Variants in FRMD4A observed in about 807,000 individuals in gnomAD.
FRMD4A encodes FERM domain-containing protein 4A.
Under a neutral mutation model 129.1 loss-of-function variants are expected in FRMD4A, and 29 were observed. The observed-to-expected ratio is 0.22, with a 90% CI of 0.17 to 0.31. FRMD4A has a LOEUF of 0.31. Among genes scored for constraint, FRMD4A ranks in the 10% least tolerant of loss-of-function variants. The probability of loss-of-function intolerance (pLI) is 1.00; values close to 1 mark genes in which losing one functional copy is unlikely to be tolerated. For synonymous variants in FRMD4A, 634 were observed against 571.6 expected (o/e 1.11, Z -1.56); for missense variants, 1,272 against 1,375.8 (o/e 0.92, Z 1.19).
At chr10:13,827,504 T>G (rs2093720858) in intron 3 of FRMD4A, among the ~76,000 whole-genome samples, 1 of 152,230 alleles carries the variant, frequency 6.6e-6, no homozygotes, top group Admixed American at 6.5e-5. Flanking sequence ...CATGCTAATG[T>G]CGGCCATTAG....
intron 17 of FRMD4A, among the ~76,000 whole-genome samples, chr10:13,669,753 C>A (rs1430019152): frequency 6.6e-6 from 1 of 152,228 alleles, no homozygotes; most frequent in South Asian, 2.1e-4. Context: ...CATTAACCAG[C>A]CAGAGAGTCA....
At chr10:13,692,663 G>A (rs1354093723) in intron 15 of FRMD4A, 1 of 144,708 alleles carries the variant, frequency 6.9e-6, no homozygotes, top group East Asian at 2.4e-4. Flanking sequence ...ATTTCTCCTG[G>A]CTATGATTGG....
At chr10:14,076,844 G>C (rs1270826256) in intron 2 of FRMD4A, among the ~76,000 whole-genome samples, 1 of 152,138 alleles carries the variant, frequency 6.6e-6, no homozygotes, top group African/African-American at 2.4e-5. Flanking sequence ...ACTTGTGTCA[G>C]AATACAAAGC....
In FRMD4A at chr10:14,066,682, T is replaced by C. The variant is rs980336921; in HGVS notation, c.46-207770A>G. 4.6e-5 allele frequency among the ~76,000 whole-genome samples: 7 copies of C among 152,014 alleles called. No individual in the cohort carries two copies. In the East Asian group the frequency reaches 7.8e-4, roughly 17 times the overall value. On this transcript the variant is annotated intron_variant, in intron 2 of 24. Transcript: ENST00000357447. Reference sequence around the variant, plus strand: ...AAAGCCTCCCAAAGGACTAAGAAGGTCAAAGCAGATTGAAAAGAGATGCAG... The same window carrying C: ...AAAGCCTCCCAAAGGACTAAGAAGGCCAAAGCAGATTGAAAAGAGATGCAG...
intron 2 of FRMD4A, among the ~76,000 whole-genome samples, chr10:14,089,642 AAC>A (rs1376695021): frequency 6.2e-5 from 9 of 144,530 alleles, no homozygotes; most frequent in African/African-American, 2.4e-4. Context: ...AAAAAAAACA[AAC>A]AAAAAAAAAA....
At chr10:13,976,971 G>C (rs1308904022) in intron 2 of FRMD4A, among the ~76,000 whole-genome samples, 1 of 152,172 alleles carries the variant, frequency 6.6e-6, no homozygotes, top group Non-Finnish European at 1.5e-5. Context: ...CAAGAGCAAA[G>C]CCCAGTACAG....
At chr10:13,769,209 TTGTGTG>T (rs10558943) in intron 6 of FRMD4A, among the ~76,000 whole-genome samples, 3,842 of 145,158 alleles carry the variant, frequency 0.026, 82 homozygotes, top group African/African-American at 0.054. Context: ...AAGAGATGGG[TTGTGTG>T]TGTGTGTGTG....
Position 13,646,938 on chromosome 10 carries a change from C to T in FRMD4A, c.*100G>A, listed in dbSNP as rs532781466. ...TCAGATTAGGCCGGGCTGGCTCACA[C>T]GAGGGTCCCGGGCTTGGCTTTTTCC... On this transcript the variant is annotated 3_prime_UTR_variant, in exon 25 of 25. Transcript: ENST00000357447. 1.8e-5 allele frequency: 17 copies of T among 966,692 alleles called. No homozygotes were observed. The highest frequency in any genetic ancestry group is 6.2e-5 in the Admixed American group (1 of 16,254). 59.9% of individuals were successfully genotyped at this position (966,692 alleles called of 1,614,324 possible).
intron 2 of FRMD4A, among the ~76,000 whole-genome samples, chr10:13,938,906 C>T (rs879555593): frequency 1.2e-4 from 18 of 151,726 alleles, no homozygotes; most frequent in Admixed American, 1.2e-3. Context: ...ACCAATAGTC[C>T]AAGGCAACAT....
chr10:14,222,487 TAGAGTGAG>T (rs1269023569), intron 2 of FRMD4A, among the ~76,000 whole-genome samples: 1 of 152,088 alleles, frequency 6.6e-6, no homozygotes, highest in African/African-American at 2.4e-5. Flanking sequence ...TTGACTTGAT[TAGAGTGAG>T]AGAGAGAGAG....
At chr10:13,873,387 T>C (rs770401964) in intron 2 of FRMD4A, among the ~76,000 whole-genome samples, 9 of 151,748 alleles carry the variant, frequency 5.9e-5, no homozygotes, top group African/African-American at 2.2e-4. Flanking sequence ...GAAGTGAAGA[T>C]TGAGACATGA....
intron 3 of FRMD4A, among the ~76,000 whole-genome samples, chr10:13,822,080 T>C (rs1007314578): frequency 6.6e-6 from 1 of 152,144 alleles, no homozygotes; most frequent in Non-Finnish European, 1.5e-5. Flanking sequence ...CACACACATA[T>C]GTACACACAT....
intron 5 of FRMD4A, among the ~76,000 whole-genome samples, chr10:13,795,107 G>C (rs2093085207): frequency 6.6e-6 from 1 of 152,174 alleles, no homozygotes; most frequent in South Asian, 2.1e-4. Context: ...CCAGGGAGGT[G>C]GGGAGAGCCT....
chr10:13,818,867 T>C (rs1232668318), intron 3 of FRMD4A, among the ~76,000 whole-genome samples: 1 of 152,200 alleles, frequency 6.6e-6, no homozygotes, highest in Non-Finnish European at 1.5e-5. Context: ...GGCTCACGCC[T>C]ATAATCCCAG....
chr10:14,113,340 G>T (rs1033622636), intron 2 of FRMD4A, among the ~76,000 whole-genome samples: 4 of 152,012 alleles, frequency 2.6e-5, no homozygotes, highest in Admixed American at 2.0e-4. Context: ...TAGGATAAAG[G>T]CCTTTATGAT....
chr10:13,680,016 G>C (rs894051624), intron 15 of FRMD4A, among the ~76,000 whole-genome samples: 11 of 152,334 alleles, frequency 7.2e-5, no homozygotes, highest in Middle Eastern at 3.4e-3. Flanking sequence ...GTTTTAAAAG[G>C]GAAGAAGGAA....
chr10:13,864,348 A>AAAG lies in FRMD4A; in HGVS notation c.46-5437_46-5436insCTT, dbSNP rs1456756044. 9.3e-5 allele frequency among the ~76,000 whole-genome samples: 14 copies of AAAG among 150,898 alleles called. No homozygotes were observed. The South Asian group carries it at 2.5e-3, about 27-fold the overall frequency. The stretch of plus-strand genomic sequence containing the variant: ...GCAAACATCTTGAGTCAAAAAAAAA[A>AAAG]AAAAAAGAAAAAAAGAAAAGAAAAC... On this transcript the variant is annotated intron_variant, in intron 2 of 24. Transcript: ENST00000357447.
At chr10:14,208,130 A>T (rs1256111455) in intron 2 of FRMD4A, among the ~76,000 whole-genome samples, 1 of 151,552 alleles carries the variant, frequency 6.6e-6, no homozygotes, top group Non-Finnish European at 1.5e-5. Context: ...CAGTAGATGG[A>T]GGTTGTAGTG....
At chr10:13,714,037 T>TATAAAATATATATAATATATA (rs1554858979) in intron 12 of FRMD4A, among the ~76,000 whole-genome samples, 65 of 1,000 alleles carry the variant, frequency 0.065, 16 homozygotes, top group Non-Finnish European at 0.095. Context: ...CATATATATA[T>TATAAAATATATATAATATATA]ATATATATAT....
Sources: gnomAD v4.1 joint callset for allele counts (sites outside exome capture counted in the v4.1 genomes callset) on GRCh38, gnomAD v4.1.1 for gene constraint, MANE v1.5 for transcripts, NCBI Gene and HGNC (gene_info 2026-07-23, HGNC 2026-07-21) for gene names.